KDM4C: variants seen among roughly 807,000 people sequenced by gnomAD.
The protein encoded by KDM4C is lysine demethylase 4C.
A neutral mutation model predicts 129.3 loss-of-function variants in KDM4C; 81 were observed. The observed-to-expected ratio is 0.63, with a 90% CI of 0.52 to 0.75. The LOEUF (loss-of-function observed/expected upper bound fraction) is 0.75, where lower values mean the gene tolerates loss of function less well. Ranked by LOEUF, KDM4C falls within the 30% of genes least tolerant of loss-of-function variation. The pLI, the probability that KDM4C is intolerant of heterozygous loss-of-function variation, is 0.00. For synonymous variants in KDM4C, 573 were observed against 456.1 expected, an observed-to-expected ratio of 1.26 and a Z score of -3.26; for missense variants, 1,457 against 1,304.0, an observed-to-expected ratio of 1.12 and a Z score of -1.81.
chr9:6,888,437 A>G (rs957835113), intron 7 of KDM4C, among the ~76,000 whole-genome samples: 11 of 152,346 alleles, frequency 7.2e-5, no homozygotes, highest in African/African-American at 2.2e-4. Flanking sequence ...CTTAGAATCA[A>G]TGATTATGGT....
upstream of KDM4C, among the ~76,000 whole-genome samples, chr9:6,753,810 T>C (rs1178642725): frequency 6.6e-6 from 1 of 150,544 alleles, no homozygotes; most frequent in Non-Finnish European, 1.5e-5. Context: ...ATAAGTAACA[T>C]ACATATTTGA....
At chr9:7,131,594 A>C (rs999412164) in intron 19 of KDM4C, among the ~76,000 whole-genome samples, 1 of 152,172 alleles carries the variant, frequency 6.6e-6, no homozygotes, top group African/African-American at 2.4e-5. Context: ...CTGGGATTAC[A>C]GGCATGAGCC....
intron 18 of KDM4C, among the ~76,000 whole-genome samples, chr9:7,110,292 T>C (rs1353530654): frequency 1.3e-5 from 2 of 152,226 alleles, no homozygotes; most frequent in African/African-American, 4.8e-5. Flanking sequence ...CCATGTTTTG[T>C]TTCATTTGAG....
intron 4 of KDM4C, among the ~76,000 whole-genome samples, chr9:6,825,893 C>G (rs1467844305): frequency 6.6e-6 from 1 of 152,170 alleles, no homozygotes; most frequent in Non-Finnish European, 1.5e-5. Context: ...TCACAGCAGC[C>G]TCCACCTCCC....
chr9:6,920,815 C>G (rs751595765), intron 8 of KDM4C, among the ~76,000 whole-genome samples: 4 of 152,100 alleles, frequency 2.6e-5, no homozygotes, highest in Non-Finnish European at 4.4e-5. Flanking sequence ...GGTAAAGGAA[C>G]TACTTCACCT....
rs7865915 is a variant in KDM4C, at chr9:7,138,702, C to A, written c.2781+10466C>A. Among the ~76,000 whole-genome samples, 1,226 of 151,986 alleles carry A rather than the reference C, an allele frequency of 8.1e-3. 18 individuals carry two copies. Among genetic ancestry groups the A allele is most frequent in the African/African-American group, 0.028 (1,160 of 41,424 alleles). The stretch of plus-strand genomic sequence containing the variant: ...GGCATGGTGACGTGTACCTGTAGTC[C>A]TAGCTCCTTGGGAGACTGAGGCAGG... On this transcript the variant is annotated intron_variant, in intron 19 of 21. Transcript: ENST00000381309.
chr9:6,994,034 A>G (rs10975952), intron 12 of KDM4C, among the ~76,000 whole-genome samples: 1,996 of 152,180 alleles, frequency 0.013, 24 homozygotes, highest in East Asian at 0.034. Flanking sequence ...GGGCAGGGGT[A>G]TAGGGGTGGG....
At chr9:6,986,871 C>T (rs1412158615) in intron 11 of KDM4C, 4 of 477,262 alleles carry the variant, frequency 8.4e-6, no homozygotes, top group African/African-American at 1.9e-5. Context: ...GCACATGGAG[C>T]TTATGGCCAC....
At chr9:6,858,359 GACCACC>G (rs1442963930) in intron 5 of KDM4C, among the ~76,000 whole-genome samples, 2 of 150,982 alleles carry the variant, frequency 1.3e-5, no homozygotes, top group African/African-American at 4.9e-5. Flanking sequence ...CCACCACCAC[GACCACC>G]ACCACCTACA....
chr9:6,931,507 T>TA lies in KDM4C; in HGVS notation c.921+38275_921+38276insA, dbSNP rs993417094. 5.6e-4 allele frequency among the ~76,000 whole-genome samples: 67 copies of TA among 119,922 alleles called. 1 individual carries two copies. The highest frequency in any genetic ancestry group is 8.2e-4 in the East Asian group (3 of 3,658). 78.7% of individuals were successfully genotyped at this position (119,922 alleles called of 152,430 possible). ...TAAGCAATAGTCATATATATATATATTTTTTTTTCATAAGAAAGGGTCTTG... is the reference window on the plus strand; with the variant it reads ...TAAGCAATAGTCATATATATATATATATTTTTTTTCATAAGAAAGGGTCTTG... On this transcript the variant is annotated intron_variant, in intron 8 of 21. Transcript: ENST00000381309.
At chr9:6,747,019 A>AAG (rs1053101216) in intron 1 of KDM4C, among the ~76,000 whole-genome samples, 1 of 150,024 alleles carries the variant, frequency 6.7e-6, no homozygotes, top group Non-Finnish European at 1.5e-5. Flanking sequence ...AAAAAAAAAA[A>AAG]AAAAAAAAAA....
chr9:7,095,506 TAAAC>T (rs1265071159), intron 17 of KDM4C, among the ~76,000 whole-genome samples: 2 of 150,054 alleles, frequency 1.3e-5, no homozygotes, highest in Non-Finnish European at 3.0e-5. Flanking sequence ...ATATTCATAA[TAAAC>T]AAAGATCTTT....
upstream of KDM4C, among the ~76,000 whole-genome samples, chr9:6,754,335 C>G (rs1342506597): frequency 2.0e-5 from 3 of 151,900 alleles, no homozygotes. Flanking sequence ...GCCTCAGCCT[C>G]CCGAGTAGCT....
intron 3 of KDM4C, among the ~76,000 whole-genome samples, chr9:6,812,677 C>T (rs1296515921): frequency 1.3e-5 from 2 of 152,110 alleles, no homozygotes; most frequent in Admixed American, 1.3e-4. Context: ...CATCCCTGTT[C>T]CTAACAGGCC....
chr9:6,913,308 A>C (rs1207999600), intron 8 of KDM4C, among the ~76,000 whole-genome samples: 1 of 152,248 alleles, frequency 6.6e-6, no homozygotes, highest in Non-Finnish European at 1.5e-5. Flanking sequence ...AAATGCAAGC[A>C]AGTTGATTTA....
At chr9:6,721,078 T>G (rs1376603027) in intron 1 of KDM4C, 10 of 1,306,302 alleles carry the variant, frequency 7.7e-6, no homozygotes, top group Non-Finnish European at 1.1e-5. Flanking sequence ...TGTTAATTTC[T>G]TTATTTTTAT....
chr9:6,905,447 G>C (rs1164745391), intron 8 of KDM4C, among the ~76,000 whole-genome samples: 1 of 152,116 alleles, frequency 6.6e-6, no homozygotes, highest in Non-Finnish European at 1.5e-5. Context: ...TTAGGTATAT[G>C]GTCATAATTT....
At chr9:6,835,446 T>G in intron 4 of KDM4C, 1 of 1,199,502 alleles carries the variant, frequency 8.3e-7, no homozygotes, top group Non-Finnish European at 1.2e-6. Context: ...TCATTGCTCC[T>G]CCTGAGCTCA....
intron 17 of KDM4C, chr9:7,076,399 T>C: frequency 7.1e-7 from 1 of 1,407,994 alleles, no homozygotes; most frequent in East Asian, 2.5e-5. Context: ...AAATCTGGCA[T>C]ATTGGACTTT....
Sources: allele counts gnomAD v4.1 joint callset (sites outside exome capture counted in the v4.1 genomes callset), GRCh38; gene constraint gnomAD v4.1.1; transcripts MANE v1.5; gene names NCBI Gene and HGNC (gene_info 2026-07-23, HGNC 2026-07-21).